The following NUDCD3 variants were observed in gnomAD, a reference collection of about 807,000 sequenced individuals.
The protein encoded by NUDCD3 is NudC domain containing 3, also known as nudC domain-containing protein 3.
NUDCD3 carries 13 observed loss-of-function variants against 39.7 expected under a neutral mutation model. That is an observed-to-expected ratio of 0.33 (90% confidence interval 0.21 to 0.52). The LOEUF (loss-of-function observed/expected upper bound fraction) is 0.52. NUDCD3 is among the 20% of genes least tolerant of loss of function. The pLI is 0.96. For missense variants in NUDCD3, 453 were observed against 458.1 expected (o/e 0.99, Z 0.10); for synonymous variants, 175 against 172.4 (o/e 1.02, Z -0.12).
At chr7:44,413,169 G>A (rs570120424) in intron 3 of NUDCD3, 1 of 152,222 alleles carries the variant, frequency 6.6e-6, no homozygotes, top group Non-Finnish European at 1.5e-5. Flanking sequence ...AGTAAGGTGA[G>A]GCTGGGCATG....
chr7:44,490,552 G>A lies in NUDCD3; in HGVS notation c.49C>T (p.Leu17=). The part of the protein sequence containing the change: ...ELYDQALLGI[L]QHVGNVQDFL... ...TCCTGGACGTTGCCCACGTGCTGCA[G>A]GATGCCCAAAAGGGCCTGGTCATAC... Residue 17 remains leucine (L), a synonymous_variant, in exon 1 of 6, where the codon CTG becomes TTG. Transcript: ENST00000355451. 1 of 1,612,348 alleles carries A rather than the reference G, an allele frequency of 6.2e-7. No homozygotes were observed. Among genetic ancestry groups the A allele is most frequent in the South Asian group, 1.1e-5 (1 of 90,814 alleles).
At chr7:44,412,757 C>T (rs913120853) in intron 3 of NUDCD3, among the ~76,000 whole-genome samples, 2 of 151,870 alleles carry the variant, frequency 1.3e-5, no homozygotes, top group Non-Finnish European at 2.9e-5. Context: ...GAAGCCCCGT[C>T]TCTACTAAAT....
intron 4 of NUDCD3, among the ~76,000 whole-genome samples, chr7:44,392,740 G>T (rs1798544282): frequency 6.6e-6 from 1 of 152,150 alleles, no homozygotes; most frequent in Non-Finnish European, 1.5e-5. Context: ...TGACATTCTG[G>T]AAGATGCCTT....
rs553980699 is a variant in NUDCD3, at chr7:44,418,356, A to T, written c.642+9215T>A. On this transcript the variant is annotated intron_variant, in intron 3 of 5. Coordinates refer to ENST00000355451, the MANE Select transcript of NUDCD3 (RefSeq NM_015332.4). ...TCCAGGACAGTCTCTCCTTCTAAGA[A>T]GCCAGCACCACTTGTATGTATAGAG... Among the ~76,000 whole-genome samples, 8 of 152,346 alleles carry T rather than the reference A, an allele frequency of 5.3e-5. No homozygotes were observed. In the South Asian group the frequency reaches 1.4e-3, roughly 28 times the overall value.
At position 44,448,106 on chromosome 7, in the gene NUDCD3, TACTC is replaced by T. The variant is rs565792326; in HGVS notation, c.510-20407_510-20404del. Among the ~76,000 whole-genome samples, 17 of 152,320 alleles carry T rather than the reference TACTC, an allele frequency of 1.1e-4. 1 individual carries two copies. The South Asian group carries it at 3.5e-3, about 32-fold the overall frequency. ...CCCCACAGAGTACTCAGCTTCCTGATACTCACTGGCATGACTGTAGTCTACTCCC... is the reference window on the plus strand; with the variant it reads ...CCCCACAGAGTACTCAGCTTCCTGATACTGGCATGACTGTAGTCTACTCCC... On this transcript the variant is annotated intron_variant, in intron 2 of 5. Coordinates refer to ENST00000355451, the MANE Select transcript of NUDCD3 (RefSeq NM_015332.4).
intron 2 of NUDCD3, among the ~76,000 whole-genome samples, chr7:44,453,332 G>A (rs999434091): frequency 1.1e-4 from 17 of 151,838 alleles, no homozygotes; most frequent in Non-Finnish European, 1.9e-4. Flanking sequence ...CAGCCTAGGC[G>A]ACAGAGTGAG....
rs1230361936 is a variant in NUDCD3, at chr7:44,412,961, A to AACCATTG, written c.643-8385_643-8379dup. Among the ~76,000 whole-genome samples, 5 of 151,676 alleles carry AACCATTG rather than the reference A, an allele frequency of 3.3e-5. No homozygotes were observed. In the East Asian group the frequency reaches 9.6e-4, roughly 29 times the overall value. On this transcript the variant is annotated intron_variant, in intron 3 of 5. Coordinates refer to ENST00000355451, the MANE Select transcript of NUDCD3 (RefSeq NM_015332.4). ...AAAAAAAGAAAAAAAAAAAGAAAGA[A>AACCATTG]ACCATTGACCATTGGCAGAATTCAG...
At chr7:44,409,612 A>G (rs561639698) in intron 3 of NUDCD3, among the ~76,000 whole-genome samples, 2 of 152,228 alleles carry the variant, frequency 1.3e-5, no homozygotes, top group East Asian at 3.9e-4. Context: ...TGGCCCATAC[A>G]TAGGAAAAAG....
At chr7:44,482,629 C>T (rs1800515008) in intron 2 of NUDCD3, among the ~76,000 whole-genome samples, 1 of 152,056 alleles carries the variant, frequency 6.6e-6, no homozygotes, top group Non-Finnish European at 1.5e-5. Flanking sequence ...AAATTAATTG[C>T]CTGCAAGAAC....
chr7:44,452,911 T>C (rs1437515124), intron 2 of NUDCD3, among the ~76,000 whole-genome samples: 1 of 152,230 alleles, frequency 6.6e-6, no homozygotes, highest in African/African-American at 2.4e-5. Flanking sequence ...ACTTCCTCCA[T>C]CTTTGCTGTT....
At chr7:44,393,332 TAA>T (rs1798555138) in intron 4 of NUDCD3, among the ~76,000 whole-genome samples, 1 of 152,100 alleles carries the variant, frequency 6.6e-6, no homozygotes, top group Non-Finnish European at 1.5e-5. Flanking sequence ...GTCATTACCA[TAA>T]AAACTTAAAA....
Position 44,434,020 on chromosome 7 carries a change from G to A in NUDCD3, c.510-6317C>T, listed in dbSNP as rs79954392. Among the ~76,000 whole-genome samples, 1,008 of 152,112 alleles carry A rather than the reference G, an allele frequency of 6.6e-3. 9 individuals are homozygous for A. The highest frequency in any genetic ancestry group is 0.023 in the African/African-American group (952 of 41,486). On this transcript the variant is annotated intron_variant, in intron 2 of 5. Transcript: ENST00000355451. Reference sequence around the variant, plus strand: ...GGAAATACGGTGAATTTTCTTCTGGGTTTCTTCATTTTCAAAGCTTTACAA... The same window carrying A: ...GGAAATACGGTGAATTTTCTTCTGGATTTCTTCATTTTCAAAGCTTTACAA...
At chr7:44,440,679 G>T (rs1799564829) in intron 2 of NUDCD3, among the ~76,000 whole-genome samples, 1 of 152,128 alleles carries the variant, frequency 6.6e-6, no homozygotes. Flanking sequence ...TGGGGTTGAA[G>T]CCAGCCCATA....
intron 2 of NUDCD3, chr7:44,468,349 C>CAAAAAAAAAAAAAA (rs77181470): frequency 1.1e-4 from 42 of 380,976 alleles, no homozygotes; most frequent in African/African-American, 2.5e-4. Context: ...GTAAAAACTG[C>CAAAAAAAAAAAAAA]AAAAAAAAAA....
intron 2 of NUDCD3, among the ~76,000 whole-genome samples, chr7:44,447,008 T>C (rs1016991746): frequency 1.3e-5 from 2 of 152,248 alleles, no homozygotes. Flanking sequence ...CAGAAAGTCA[T>C]TTCTCACAGA....
intron 5 of NUDCD3, among the ~76,000 whole-genome samples, chr7:44,389,401 G>C (rs190038503): frequency 6.6e-6 from 1 of 152,174 alleles, no homozygotes; most frequent in Non-Finnish European, 1.5e-5. Flanking sequence ...GAGGCCGGCC[G>C]GGCGCGGTGG....
Position 44,379,309 on chromosome 7 carries a change from A to G in NUDCD3, c.*6702T>C, listed in dbSNP as rs1275018977. The G allele has an allele frequency of 6.6e-6, 1 of 150,556 alleles. No homozygotes were observed. Among genetic ancestry groups the G allele is most frequent in the Non-Finnish European group, 1.5e-5 (1 of 67,676 alleles). The allele number at this position is 150,556 out of a possible 1,614,324, so 9.3% of individuals were successfully genotyped here. ...TCTCAAAAAAAAAAAAAACTTTTAA[A>G]ATGACCATATCATGGAAAATTCTGG... On this transcript the variant is annotated 3_prime_UTR_variant, in exon 6 of 6. Coordinates refer to ENST00000355451, the MANE Select transcript of NUDCD3 (RefSeq NM_015332.4).
chr7:44,463,944 T>C (rs1453013949), intron 2 of NUDCD3, among the ~76,000 whole-genome samples: 1 of 152,194 alleles, frequency 6.6e-6, no homozygotes, highest in African/African-American at 2.4e-5. Flanking sequence ...CCGGGCACAG[T>C]GGCTCACGCC....
intron 3 of NUDCD3, among the ~76,000 whole-genome samples, chr7:44,423,226 C>T (rs537705901): frequency 1.3e-5 from 2 of 152,198 alleles, no homozygotes; most frequent in African/African-American, 4.8e-5. Flanking sequence ...CTTTGAAAAG[C>T]GGCACAAGAC....
Sources: allele counts gnomAD v4.1 joint callset (sites outside exome capture counted in the v4.1 genomes callset), GRCh38; gene constraint gnomAD v4.1.1; transcripts MANE v1.5; gene names NCBI Gene and HGNC (gene_info 2026-07-23, HGNC 2026-07-21).